JCHAIN: variants seen among roughly 807,000 people sequenced by gnomAD.
JCHAIN encodes immunoglobulin J chain.
A neutral mutation model predicts 11.1 loss-of-function variants in JCHAIN; 5 were observed. The observed-to-expected ratio is 0.45, with a 90% CI of 0.24 to 0.95. The LOEUF is 0.95. JCHAIN is among the 40% of genes least tolerant of loss of function. The pLI is 0.21. For synonymous variants in JCHAIN, 51 were observed against 67.8 expected (o/e 0.75, Z 1.22); for missense variants, 165 against 192.7 (o/e 0.86, Z 0.85).
chr4:70,658,893 G>A (rs1021186622), intron 2 of JCHAIN, among the ~76,000 whole-genome samples: 2 of 152,080 alleles, frequency 1.3e-5, no homozygotes, highest in East Asian at 1.9e-4. Flanking sequence ...AATTGTTTAC[G>A]GTTTCCTGTT....
At chr4:70,662,828 G>A (rs1362715330) in intron 1 of JCHAIN, among the ~76,000 whole-genome samples, 1 of 151,938 alleles carries the variant, frequency 6.6e-6, no homozygotes, top group Admixed American at 6.6e-5. Context: ...GCATGGTGGT[G>A]CATGCCTGTA....
intron 1 of JCHAIN, among the ~76,000 whole-genome samples, chr4:70,664,995 T>C (rs1208514511): frequency 6.6e-6 from 1 of 152,252 alleles, no homozygotes; most frequent in Admixed American, 6.5e-5. Flanking sequence ...GTATTTTTCC[T>C]AACAAACCTG....
chr4:70,656,307 A>T lies in JCHAIN; in HGVS notation c.*22T>A. The T allele has an allele frequency of 6.6e-7, 1 of 1,522,184 alleles. No homozygotes were observed. The highest frequency in any genetic ancestry group is 9.1e-7 in the Non-Finnish European group (1 of 1,096,324). 94.3% of individuals were successfully genotyped at this position (1,522,184 alleles called of 1,614,324 possible). A position where few individuals can be genotyped will look rare whatever the true frequency, so the allele number is the denominator to read the frequency against. On this transcript the variant is annotated 3_prime_UTR_variant, in exon 4 of 4. Coordinates refer to ENST00000254801, the MANE Select transcript of JCHAIN (RefSeq NM_144646.4). ...GGAGAGCCTCTCAAGAAAAAGAGCT[A>T]TGCAGTCAGCAATGACTTAAATTAG...
At chr4:70,657,828 A>T (rs1311137259) in intron 2 of JCHAIN, among the ~76,000 whole-genome samples, 1 of 152,180 alleles carries the variant, frequency 6.6e-6, no homozygotes, top group Non-Finnish European at 1.5e-5. Context: ...TCCAGATTTT[A>T]GAGGAGAGGA....
At chr4:70,664,792 T>C (rs1000882902) in intron 1 of JCHAIN, among the ~76,000 whole-genome samples, 2 of 152,220 alleles carry the variant, frequency 1.3e-5, no homozygotes, top group Non-Finnish European at 2.9e-5. Context: ...GACTTGACTA[T>C]TAAGTCTTAA....
chr4:70,662,248 A>G, intron 1 of JCHAIN, 33 bp from the exon 2 acceptor site: 2 of 1,580,788 alleles, frequency 1.3e-6, no homozygotes, highest in South Asian at 2.3e-5. Context: ...AAGAAAGGAA[A>G]ACAAAGGTCA....
chr4:70,656,592 G>T, intron 3 of JCHAIN, 53 bp from the exon 4 acceptor site: 2 of 1,342,328 alleles, frequency 1.5e-6, no homozygotes, highest in Non-Finnish European at 2.1e-6. Context: ...GTCTCAAAAT[G>T]TGACTACACA....
chr4:70,660,544 C>T (rs1218746265), intron 2 of JCHAIN, among the ~76,000 whole-genome samples: 5 of 152,012 alleles, frequency 3.3e-5, no homozygotes, highest in Middle Eastern at 3.4e-3. Flanking sequence ...CCACCACGCC[C>T]GGATAATTTT....
intron 1 of JCHAIN, among the ~76,000 whole-genome samples, chr4:70,665,659 T>C (rs1313697442): frequency 1.3e-5 from 2 of 152,090 alleles, no homozygotes; most frequent in African/African-American, 4.8e-5. Context: ...ACATTGTACA[T>C]GCTTTACTAA....
intron 2 of JCHAIN, among the ~76,000 whole-genome samples, chr4:70,659,807 C>T (rs1479386989): frequency 6.6e-6 from 1 of 151,950 alleles, no homozygotes; most frequent in Non-Finnish European, 1.5e-5. Flanking sequence ...GCAGAGGTTG[C>T]AGTAAGCCAA....
chr4:70,664,345 AT>A (rs1739113347), intron 1 of JCHAIN, among the ~76,000 whole-genome samples: 1 of 152,014 alleles, frequency 6.6e-6, no homozygotes, highest in Non-Finnish European at 1.5e-5. Context: ...AAAAAAAAAC[AT>A]TTAGTATACG....
At chr4:70,658,093 C>A (rs1378420974) in intron 2 of JCHAIN, among the ~76,000 whole-genome samples, 1 of 152,122 alleles carries the variant, frequency 6.6e-6, no homozygotes, top group Non-Finnish European at 1.5e-5. Context: ...AGCCAAAAAC[C>A]TGGCTATCAT....
At chr4:70,662,857 T>G (rs111971018) in intron 1 of JCHAIN, among the ~76,000 whole-genome samples, 2,138 of 151,038 alleles carry the variant, frequency 0.014, 46 homozygotes, top group African/African-American at 0.049. Flanking sequence ...TACTCAAGAG[T>G]CTGAGGCAGG....
At chr4:70,657,163 G>C (rs1156883274) in intron 3 of JCHAIN, 48 bp downstream of exon 3, 1 of 944,046 alleles carries the variant, frequency 1.1e-6, no homozygotes, top group East Asian at 2.4e-5. Flanking sequence ...AAAATTAAAA[G>C]CTATTAACTT....
chr4:70,657,119 A>G (rs1362560665), intron 3 of JCHAIN, 92 bp downstream of exon 3: 2 of 658,082 alleles, frequency 3.0e-6, no homozygotes, highest in East Asian at 5.2e-5. Flanking sequence ...TTATACTCCA[A>G]CATATTTTTA....
rs1469196067 is a variant in JCHAIN, at chr4:70,656,075, C to T, written c.*254G>A. On this transcript the variant is annotated 3_prime_UTR_variant, in exon 4 of 4. Transcript: ENST00000254801. ...GAAACTGTATTCCTAAGAGAGCATA[C>T]CTCTTTCAGGTGAGCATGATAATTG... is the stretch of plus-strand genomic sequence containing the variant. 1 of 405,258 alleles carries T rather than the reference C, an allele frequency of 2.5e-6. No individual in the cohort carries two copies. Among genetic ancestry groups the T allele is most frequent in the East Asian group, 4.2e-5 (1 of 24,052 alleles). 25.1% of individuals were successfully genotyped at this position (405,258 alleles called of 1,614,324 possible).
intron 3 of JCHAIN, 57 bp from the exon 4 acceptor site, chr4:70,656,596 C>G: frequency 7.8e-7 from 1 of 1,279,134 alleles, no homozygotes; most frequent in Non-Finnish European, 1.1e-6. Flanking sequence ...CAAAATGTGA[C>G]TACACATTTC....
chr4:70,662,379 G>A (rs1419531313), intron 1 of JCHAIN, among the ~76,000 whole-genome samples, 164 bp from the exon 2 acceptor site: 1 of 152,132 alleles, frequency 6.6e-6, no homozygotes, highest in African/African-American at 2.4e-5. Flanking sequence ...CACAGTAAAG[G>A]AAATCCAAAG....
chr4:70,659,288 G>A (rs376578482), intron 2 of JCHAIN, among the ~76,000 whole-genome samples: 7 of 152,010 alleles, frequency 4.6e-5, no homozygotes, highest in Admixed American at 1.3e-4. Context: ...GGTGGCTCAC[G>A]CCTGTAATCC....
Sources: allele counts gnomAD v4.1 joint callset (sites outside exome capture counted in the v4.1 genomes callset), GRCh38; gene constraint gnomAD v4.1.1; transcripts MANE v1.5; gene names NCBI Gene and HGNC (gene_info 2026-07-23, HGNC 2026-07-21).